Variants in ARHGEF10 observed in about 807,000 individuals in gnomAD.
ARHGEF10 encodes Rho guanine nucleotide exchange factor 10, also known as Rho guanine nucleotide exchange factor (GEF) 10.
In ARHGEF10, 140 loss-of-function variants were observed where a neutral mutation model predicts 147.4. That is an observed-to-expected ratio of 0.95 (90% confidence interval 0.83 to 1.09). The LOEUF is 1.09. Among genes scored for constraint, ARHGEF10 ranks in the 50% least tolerant of loss-of-function variants. The probability of loss-of-function intolerance (pLI) is 0.00; values close to 1 mark genes in which losing one functional copy is unlikely to be tolerated. For synonymous variants in ARHGEF10, 902 were observed against 695.8 expected, an observed-to-expected ratio of 1.30 and a Z score of -4.67; for missense variants, 2,222 against 1,752.7, an observed-to-expected ratio of 1.27 and a Z score of -4.78.
Position 1,889,200 on chromosome 8 carries a change from T to C in ARHGEF10, c.1182+3493T>C, listed in dbSNP as rs796690903. Among the ~76,000 whole-genome samples, 3 of 98,464 alleles carry C rather than the reference T, an allele frequency of 3.0e-5. 1 individual carries two copies. The highest frequency in any genetic ancestry group is 1.1e-4 in the African/African-American group (2 of 18,544). 64.6% of individuals were successfully genotyped at this position (98,464 alleles called of 152,430 possible). ...TGTGAGGAGAGCGTGGGGTGAGGTT[T>C]ATTAGGAGACACTGAATGGGGTGAG... On this transcript the variant is annotated intron_variant, in intron 11 of 28. Coordinates refer to ENST00000349830, the MANE Select transcript of ARHGEF10 (RefSeq NM_014629.4).
At position 1,860,156 on chromosome 8, in the gene ARHGEF10, C is replaced by T. The variant is rs1476541681; in HGVS notation, c.453C>T (p.Ile151=). The T allele has an allele frequency of 6.2e-7, 1 of 1,613,798 alleles. No individual in the cohort carries two copies. Among genetic ancestry groups the T allele is most frequent in the Non-Finnish European group, 8.5e-7 (1 of 1,179,976 alleles). ...LLLPAYSSPV[I]ICATSLDEEE... The stretch of plus-strand genomic sequence containing the variant: ...TGCCCGCCTACTCCAGCCCGGTCAT[C>T]ATCTGCGCCACGTCCCTGGACGAAG... The change falls in exon 4 of 29, where the codon ATC becomes ATT. Residue 151 remains isoleucine, a synonymous_variant. Coordinates refer to ENST00000349830, the MANE Select transcript of ARHGEF10 (RefSeq NM_014629.4).
Position 1,905,850 on chromosome 8 carries a change from T to C in ARHGEF10, c.1967+134T>C, listed in dbSNP as rs1253952034. ...TTGTGCCAAAGCTCTGTCCTGTGACTAAGGGAACCCTTATAATAAGCAAGC... is the reference window on the plus strand; with the variant it reads ...TTGTGCCAAAGCTCTGTCCTGTGACCAAGGGAACCCTTATAATAAGCAAGC... On this transcript the variant is annotated intron_variant, in intron 17 of 28. Transcript: ENST00000349830. 5 of 1,106,800 alleles carry C rather than the reference T, an allele frequency of 4.5e-6. No homozygotes were observed. In the African/African-American group the frequency reaches 6.2e-5, roughly 14 times the overall value. The allele number at this position is 1,106,800 out of a possible 1,614,324, so 68.6% of individuals were successfully genotyped here. A position where few individuals can be genotyped will look rare whatever the true frequency, so the allele number is the denominator to read the frequency against.
At position 1,876,554 on chromosome 8, in the gene ARHGEF10, G is replaced by T. The variant is rs750559773; in HGVS notation, c.680-17G>T. On this transcript the variant is annotated splice_polypyrimidine_tract_variant and intron_variant, in intron 7 of 28. Coordinates refer to ENST00000349830, the MANE Select transcript of ARHGEF10 (RefSeq NM_014629.4). The stretch of plus-strand genomic sequence containing the variant: ...AATTCTAAAGTTTTAATTTCATTTT[G>T]GAATTTATGCACTCAGATGAAATGA... The T allele has an allele frequency of 1.2e-6, 2 of 1,612,706 alleles. No individual in the cohort carries two copies. The highest frequency in any genetic ancestry group is 1.3e-5 in the African/African-American group (1 of 75,002).
intron 2 of ARHGEF10, among the ~76,000 whole-genome samples, chr8:1,853,531 T>C (rs1805311450): frequency 6.6e-6 from 1 of 152,280 alleles, no homozygotes; most frequent in African/African-American, 2.4e-5. Context: ...TTCAGCTGAA[T>C]GGCTGGGTTC....
chr8:1,823,690 G>A (rs1482595881), upstream of ARHGEF10, among the ~76,000 whole-genome samples: 1 of 151,884 alleles, frequency 6.6e-6, no homozygotes, highest in Admixed American at 6.5e-5. Flanking sequence ...CCGCGGGGCA[G>A]GAGATGATCC....
In ARHGEF10 at chr8:1,846,742, A is replaced by C. The variant is rs112711834; in HGVS notation, c.37+3306A>C. On this transcript the variant is annotated intron_variant, in intron 2 of 28. Transcript: ENST00000349830. ...TAGACACCTGCCACCATGCCCAGCTAATTTTTGTATTTTTAGTAGAGACAG... is the reference window on the plus strand; with the variant it reads ...TAGACACCTGCCACCATGCCCAGCTCATTTTTGTATTTTTAGTAGAGACAG... 2.3e-3 allele frequency among the ~76,000 whole-genome samples: 352 copies of C among 152,058 alleles called. 2 individuals carry two copies. Among genetic ancestry groups the C allele is most frequent in the African/African-American group, 8.0e-3 (333 of 41,498 alleles).
At chr8:1,833,449 G>A (rs754790735) in intron 1 of ARHGEF10, among the ~76,000 whole-genome samples, 2,679 of 151,966 alleles carry the variant, frequency 0.018, 37 homozygotes, top group Non-Finnish European at 0.026. Context: ...CAGGGGCAGA[G>A]ACAGGGGCAG....
chr8:1,903,513 T>C, intron 16 of ARHGEF10, 62 bp downstream of exon 16: 1 of 1,592,018 alleles, frequency 6.3e-7, no homozygotes, highest in Non-Finnish European at 8.6e-7. Flanking sequence ...TAATAAGCTG[T>C]CGTTGTCCAG....
Position 1,912,177 on chromosome 8 carries a change from G to A in ARHGEF10, c.2143+2707G>A, listed in dbSNP as rs541976480. On this transcript the variant is annotated intron_variant, in intron 18 of 28. Transcript: ENST00000349830. ...CCTGTCCCTGCAAAAGCGCCGTGTC[G>A]ATTGTGTGTTTGCCGTGTGGTGTTA... is the stretch of plus-strand genomic sequence containing the variant. Among the ~76,000 whole-genome samples, 5 of 152,136 alleles carry A rather than the reference G, an allele frequency of 3.3e-5. No homozygotes were observed. The South Asian group carries it at 8.3e-4, about 25-fold the overall frequency.
At chr8:1,942,001 A>G (rs576101677) in intron 26 of ARHGEF10, among the ~76,000 whole-genome samples, 9 of 152,216 alleles carry the variant, frequency 5.9e-5, no homozygotes, top group African/African-American at 1.7e-4. Context: ...AAAAGCTAAA[A>G]CTATAAACAC....
intron 14 of ARHGEF10, among the ~76,000 whole-genome samples, chr8:1,897,299 C>T (rs1810056495): frequency 6.6e-6 from 1 of 152,268 alleles, no homozygotes; most frequent in South Asian, 2.1e-4. Flanking sequence ...CCTCCTGGAG[C>T]ACAGTCTGTG....
intron 15 of ARHGEF10, among the ~76,000 whole-genome samples, chr8:1,901,313 ACT>A (rs1810440719): frequency 6.6e-6 from 1 of 150,752 alleles, no homozygotes; most frequent in Non-Finnish European, 1.5e-5. Context: ...CCTCCCAGTG[ACT>A]CTCCTGGTCT....
chr8:1,913,764 G>A (rs141206613), intron 18 of ARHGEF10, among the ~76,000 whole-genome samples: 65 of 152,338 alleles, frequency 4.3e-4, no homozygotes, highest in Non-Finnish European at 7.6e-4. Context: ...TTTCTGTCCC[G>A]GAAGCGTGTC....
At chr8:1,904,441 C>A (rs1049833881) in intron 16 of ARHGEF10, 3 of 152,224 alleles carry the variant, frequency 2.0e-5, no homozygotes, top group Middle Eastern at 3.2e-3. Flanking sequence ...AGTAATGTAA[C>A]TGTGCGAACT....
At chr8:1,843,268 G>A in intron 1 of ARHGEF10, 85 bp from the exon 2 acceptor site, 6 of 992,348 alleles carry the variant, frequency 6.0e-6, no homozygotes, top group South Asian at 5.5e-5. Flanking sequence ...TCCTTTTTGC[G>A]GGGTTCTCTG....
At chr8:1,836,197 A>C (rs1803570841) in intron 1 of ARHGEF10, among the ~76,000 whole-genome samples, 1 of 146,002 alleles carries the variant, frequency 6.8e-6, no homozygotes, top group South Asian at 2.2e-4. Context: ...AAAAAAAAGA[A>C]AAAAAAAAAC....
chr8:1,911,873 C>G (rs1811384053), intron 18 of ARHGEF10, among the ~76,000 whole-genome samples: 1 of 152,222 alleles, frequency 6.6e-6, no homozygotes, highest in South Asian at 2.1e-4. Context: ...GAGTTTTCAT[C>G]AAATGGCTTC....
chr8:1,827,496 G>A (rs1017484012), intron 1 of ARHGEF10, among the ~76,000 whole-genome samples: 1 of 152,062 alleles, frequency 6.6e-6, no homozygotes, highest in Admixed American at 6.5e-5. Context: ...TTTAGTAGAC[G>A]GGTTTTGCCA....
At chr8:1,879,234 G>C (rs1343663071) in intron 8 of ARHGEF10, among the ~76,000 whole-genome samples, 1 of 152,128 alleles carries the variant, frequency 6.6e-6, no homozygotes, top group Non-Finnish European at 1.5e-5. Flanking sequence ...GAAGGATCCA[G>C]GGGGTCCCCA....
Sources: gnomAD v4.1 joint callset for allele counts (sites outside exome capture counted in the v4.1 genomes callset) on GRCh38, gnomAD v4.1.1 for gene constraint, MANE v1.5 for transcripts, NCBI Gene and HGNC (gene_info 2026-07-23, HGNC 2026-07-21) for gene names.